Variants in CYP4F12 observed in about 807,000 individuals in gnomAD.
CYP4F12 encodes cytochrome P450 4F12.
Under a neutral mutation model 56.5 loss-of-function variants are expected in CYP4F12, and 60 were observed. The observed-to-expected ratio is 1.06, with a 90% confidence interval of 0.86 to 1.32. The LOEUF (loss-of-function observed/expected upper bound fraction) is 1.32, where lower values mean the gene tolerates loss of function less well. CYP4F12 is among the 40% of genes most tolerant of loss of function. The pLI is 0.00. For missense variants in CYP4F12, 711 were observed against 683.5 expected (o/e 1.04, Z -0.45); for synonymous variants, 263 against 264.9 (o/e 0.99, Z 0.07).
chr19:15,694,045 T>C (rs896132857), intron 9 of CYP4F12, among the ~76,000 whole-genome samples: 6 of 152,050 alleles, frequency 3.9e-5, no homozygotes, highest in Admixed American at 3.3e-4. Context: ...TCCATTGATC[T>C]AGATCTCTGT....
chr19:15,690,493 C>T (rs1158709805), intron 9 of CYP4F12, among the ~76,000 whole-genome samples: 1 of 152,098 alleles, frequency 6.6e-6, no homozygotes, highest in Non-Finnish European at 1.5e-5. Flanking sequence ...CCTCCCTTCT[C>T]TGGTAACCAC....
At chr19:15,683,861 C>A in intron 7 of CYP4F12, 98 bp downstream of exon 7, 1 of 1,428,612 alleles carries the variant, frequency 7.0e-7, no homozygotes, top group Non-Finnish European at 9.2e-7. Flanking sequence ...GCACTGGGAG[C>A]CATGGAAGAT....
intron 2 of CYP4F12, among the ~76,000 whole-genome samples, chr19:15,674,533 GCTCA>G (rs1271269072): frequency 1.3e-5 from 1 of 77,982 alleles, no homozygotes; most frequent in African/African-American, 4.9e-5. Flanking sequence ...TCATTCCTCT[GCTCA>G]CTCATTCCTC....
At chr19:15,690,322 CTCA>C (rs1403206255) in intron 9 of CYP4F12, among the ~76,000 whole-genome samples, 1 of 152,154 alleles carries the variant, frequency 6.6e-6, no homozygotes, top group Non-Finnish European at 1.5e-5. Context: ...ATCTCATATA[CTCA>C]TCATTTTTGT....
At chr19:15,673,436 C>A in intron 1 of CYP4F12, 93 bp from the exon 2 acceptor site, 1 of 1,412,698 alleles carries the variant, frequency 7.1e-7, no homozygotes, top group Non-Finnish European at 9.7e-7. Context: ...CCCTGCCCTG[C>A]CCCCAGCAGT....
intron 7 of CYP4F12, chr19:15,684,047 T>C (rs538330810): frequency 4.5e-6 from 1 of 223,530 alleles, no homozygotes; most frequent in East Asian, 1.0e-4. Flanking sequence ...TTTGTCTATG[T>C]CTGTATCTAT....
At position 15,697,061 on chromosome 19, in the gene CYP4F12, GCCCCTGAATGTAA is replaced by G. The variant is rs2008186415; in HGVS notation, c.1552_1564del (p.Pro518AlafsTer30). 1 of 1,613,780 alleles carries G rather than the reference GCCCCTGAATGTAA, an allele frequency of 6.2e-7. No homozygotes were observed. The highest frequency in any genetic ancestry group is 1.1e-5 in the South Asian group (1 of 91,072). Reference sequence around the variant, plus strand: ...AGGGCGGGCTTTGGCTGCGGGTGGAGCCCCTGAATGTAAGCTTGCAGTGACTTTCTGACCCATC... The same window carrying G: ...AGGGCGGGCTTTGGCTGCGGGTGGAGGCTTGCAGTGACTTTCTGACCCATC... On this transcript the variant is annotated frameshift_variant, in exon 13 of 13. Coordinates refer to ENST00000550308, the MANE Select transcript of CYP4F12 (RefSeq NM_023944.4). LOFTEE classifies it low-confidence loss of function (END_TRUNC).
At chr19:15,696,685 G>C (rs577563047) in intron 12 of CYP4F12, among the ~76,000 whole-genome samples, 173 bp downstream of exon 12, 66 of 152,338 alleles carry the variant, frequency 4.3e-4, no homozygotes, top group African/African-American at 1.4e-3. Context: ...TCCGCGGAGT[G>C]CTCAAAATCC....
At chr19:15,685,029 C>G in intron 8 of CYP4F12, 39 bp from the exon 9 acceptor site, 1 of 1,605,734 alleles carries the variant, frequency 6.2e-7, no homozygotes, top group Non-Finnish European at 8.5e-7. Context: ...GCTGTCCACC[C>G]TCCGGTGCTG....
In CYP4F12 at chr19:15,697,149, G is replaced by T. The variant is rs2008193010; in HGVS notation, c.*64G>T. The T allele has an allele frequency of 2.6e-5, 40 of 1,552,958 alleles. No individual in the cohort carries two copies. The highest frequency in any genetic ancestry group is 3.2e-5 in the Non-Finnish European group (37 of 1,142,926). On this transcript the variant is annotated 3_prime_UTR_variant, in exon 13 of 13. Transcript: ENST00000550308. ...TGAATAAAACGGTGCTGTCACCTCT[G>T]CCTGGGCCTCACTGACAGCCTGCAG...
At chr19:15,687,363 G>C (rs642322) in intron 9 of CYP4F12, among the ~76,000 whole-genome samples, 44,319 of 151,958 alleles carry the variant, frequency 0.29, 7,192 homozygotes, top group African/African-American at 0.42. Flanking sequence ...CCAGAAGATG[G>C]CTATCTTGAT....
intron 7 of CYP4F12, 28 bp from the exon 8 acceptor site, chr19:15,684,767 TGTGTGTGTGTGTGTGTGTGTG>T (rs2007509763): frequency 1.6e-6 from 1 of 625,586 alleles, no homozygotes; most frequent in African/African-American, 2.3e-5. Context: ...TGTGTGTGTG[TGTGTGTGTGTGTGTGTGTGTG>T]TGTGTGTGTG....
At chr19:15,678,965 T>C (rs1277510479) in intron 3 of CYP4F12, among the ~76,000 whole-genome samples, 8 of 152,212 alleles carry the variant, frequency 5.3e-5, no homozygotes, top group Admixed American at 5.2e-4. Context: ...CAGTTCCTTC[T>C]ACCTCATCCT....
chr19:15,685,865 G>T (rs2144740268), intron 9 of CYP4F12, among the ~76,000 whole-genome samples: 1 of 152,266 alleles, frequency 6.6e-6, no homozygotes, highest in South Asian at 2.1e-4. Flanking sequence ...CCAGTCCAGG[G>T]AGTCCTAAGG....
At position 15,678,277 on chromosome 19, in the gene CYP4F12, A is replaced by G; in HGVS notation, c.215A>G (p.Glu72Gly). The change falls in exon 3 of 13, where the codon GAG (glutamate) becomes GGG (glycine). Residue 72 changes from glutamate (E) to glycine (G), a missense_variant. Physicochemically the swap from Glu to Gly is moderately conservative, Grantham distance 98. Coordinates refer to ENST00000550308, the MANE Select transcript of CYP4F12 (RefSeq NM_023944.4). ...TGCTTTCAGATCACTCCTACAGAGG[A>G]GGGCTTGAAGAACTCGACCCAGATG... ...GHLGLITPTEEGLKNSTQMSA... is the reference protein window; with the variant it reads ...GHLGLITPTEGGLKNSTQMSA... 5.0e-6 allele frequency: 8 copies of G among 1,614,192 alleles called. 1 individual carries two copies. The Middle Eastern group carries it at 4.9e-4, about 100-fold the overall frequency.
At chr19:15,682,576 G>A in intron 6 of CYP4F12, 66 bp downstream of exon 6, 2 of 1,600,736 alleles carry the variant, frequency 1.2e-6, no homozygotes, top group Non-Finnish European at 8.5e-7. Flanking sequence ...GGGGAGGGAG[G>A]AATGAGCAAA....
In CYP4F12 at chr19:15,685,846, C is replaced by T. The variant is rs1028453797; in HGVS notation, c.1115+649C>T. Among the ~76,000 whole-genome samples the T allele has an allele frequency of 2.0e-5, 3 of 152,328 alleles. No homozygotes were observed. In the East Asian group the frequency reaches 5.8e-4, roughly 29 times the overall value. On this transcript the variant is annotated intron_variant, in intron 9 of 12. Coordinates refer to ENST00000550308, the MANE Select transcript of CYP4F12 (RefSeq NM_023944.4). ...TTACTCTTCTGTTCCCTAATTCCTA[C>T]CCTCCGGTCCAGTCCAGGGAGTCCT...
rs908814503 is a variant in CYP4F12, at chr19:15,684,893, C to T, written c.985+11C>T. On this transcript the variant is annotated intron_variant, in intron 8 of 12. Coordinates refer to ENST00000550308, the MANE Select transcript of CYP4F12 (RefSeq NM_023944.4). ...CCTTCATGTTTGGAGGTGAGGGTCCCAGTGTGGGACTACAGTGGAGACAGA... is the reference window on the plus strand; with the variant it reads ...CCTTCATGTTTGGAGGTGAGGGTCCTAGTGTGGGACTACAGTGGAGACAGA... The T allele has an allele frequency of 1.3e-6, 2 of 1,597,936 alleles. No homozygotes were observed. Among genetic ancestry groups the T allele is most frequent in the African/African-American group, 2.7e-5 (2 of 74,726 alleles).
chr19:15,693,651 T>A (rs1273902219), intron 9 of CYP4F12, among the ~76,000 whole-genome samples: 1 of 150,560 alleles, frequency 6.6e-6, no homozygotes, highest in Non-Finnish European at 1.5e-5. Flanking sequence ...CTGTTCACTC[T>A]GATGGTAGTT....
Sources: allele counts gnomAD v4.1 joint callset (sites outside exome capture counted in the v4.1 genomes callset), GRCh38; gene constraint gnomAD v4.1.1; transcripts MANE v1.5; gene names NCBI Gene and HGNC (gene_info 2026-07-23, HGNC 2026-07-21).